IDO2: variants seen among roughly 807,000 people sequenced by gnomAD.
IDO2 encodes indoleamine 2,3-dioxygenase 2.
Under a neutral mutation model 45.1 loss-of-function variants are expected in IDO2, and 46 were observed. The observed-to-expected ratio is 1.02, with a 90% CI of 0.80 to 1.30. The LOEUF is 1.30. Ranked by LOEUF, IDO2 falls within the 50% of genes most tolerant of loss-of-function variation. The pLI is 0.00. For missense variants in IDO2, 544 were observed against 491.8 expected, an observed-to-expected ratio of 1.11 and a Z score of -1.00; for synonymous variants, 218 against 184.9, an observed-to-expected ratio of 1.18 and a Z score of -1.45.
At chr8:39,961,506 G>A (rs1055384586) in intron 2 of IDO2, among the ~76,000 whole-genome samples, 1 of 151,668 alleles carries the variant, frequency 6.6e-6, no homozygotes, top group African/African-American at 2.4e-5. Flanking sequence ...ATTTTTAGTA[G>A]AGACAGGATT....
At chr8:39,997,074 G>A (rs1043405696) in intron 8 of IDO2, among the ~76,000 whole-genome samples, 5 of 152,126 alleles carry the variant, frequency 3.3e-5, no homozygotes, top group Admixed American at 3.3e-4. Context: ...TACAGTAAAT[G>A]CTAAAACTCT....
At position 39,985,316 on chromosome 8, in the gene IDO2, C is replaced by T. The variant is rs1808407540; in HGVS notation, c.435-192C>T. 4.9e-6 allele frequency: 3 copies of T among 607,264 alleles called. No individual in the cohort carries two copies. In the South Asian group the frequency reaches 6.4e-5, roughly 13 times the overall value. The allele number at this position is 607,264 out of a possible 1,614,324, so 37.6% of individuals were successfully genotyped here. ...CGCTCACCCTTTATCACATAGCACC[C>T]CATAGTCCAGCCACAACTTGCAGAA... On this transcript the variant is annotated intron_variant, in intron 5 of 10. Transcript: ENST00000502986.
intron 9 of IDO2, among the ~76,000 whole-genome samples, chr8:40,012,381 G>C (rs1248462074): frequency 6.6e-6 from 1 of 152,070 alleles, no homozygotes; most frequent in Admixed American, 6.6e-5. Flanking sequence ...ATCAAGTTCT[G>C]GTTCTATCAT....
chr8:40,015,693 G>A, exon 11 of IDO2: 5 of 899,304 alleles, frequency 5.6e-6, no homozygotes, highest in African/African-American at 1.7e-5. Flanking sequence ...GGATCATCCA[G>A]GAAGGATCTC....
At chr8:39,965,111 T>C (rs2052379) in intron 3 of IDO2, among the ~76,000 whole-genome samples, 55,531 of 152,112 alleles carry the variant, frequency 0.37, 10,628 homozygotes, top group East Asian at 0.58. Context: ...GGGGCTCCTC[T>C]TAGCACAGCA....
Position 40,005,257 on chromosome 8 carries a change from G to A in IDO2, c.668-70G>A, listed in dbSNP as rs534929680. 1.0e-4 allele frequency: 101 copies of A among 1,006,392 alleles called. No homozygotes were observed. In the South Asian group the frequency reaches 1.3e-3, roughly 13 times the overall value. The allele number at this position is 1,006,392 out of a possible 1,614,324, so 62.3% of individuals were successfully genotyped here. A position where few individuals can be genotyped will look rare whatever the true frequency, so the allele number is the denominator to read the frequency against. On this transcript the variant is annotated intron_variant, in intron 8 of 10. Transcript: ENST00000502986. Reference sequence around the variant, plus strand: ...GGGAAGGAACTCCGGGACAGCAGCAGGGCCCATGCACATGTAACCAATTGC... The same window carrying A: ...GGGAAGGAACTCCGGGACAGCAGCAAGGCCCATGCACATGTAACCAATTGC...
At chr8:39,966,582 C>T (rs1013726351) in intron 3 of IDO2, among the ~76,000 whole-genome samples, 1 of 152,202 alleles carries the variant, frequency 6.6e-6, no homozygotes, top group Non-Finnish European at 1.5e-5. Flanking sequence ...AGTGAATTTA[C>T]AGCTTTGATC....
At chr8:39,937,692 TTA>T (rs2129592840) in intron 1 of IDO2, among the ~76,000 whole-genome samples, 1 of 152,224 alleles carries the variant, frequency 6.6e-6, no homozygotes, top group East Asian at 1.9e-4. Context: ...GGCTAATTTT[TTA>T]TATTTTTGTA....
chr8:39,996,003 A>G (rs942447074), intron 8 of IDO2, among the ~76,000 whole-genome samples: 5 of 151,690 alleles, frequency 3.3e-5, no homozygotes, highest in African/African-American at 1.2e-4. Context: ...CTGATTTCCT[A>G]TAGATCTGAG....
intron 8 of IDO2, among the ~76,000 whole-genome samples, chr8:39,995,573 G>C (rs1017633142): frequency 3.3e-5 from 5 of 151,960 alleles, no homozygotes; most frequent in Admixed American, 1.3e-4. Context: ...AAGCCACCCA[G>C]GTGCCAAGGC....
chr8:39,960,074 C>G (rs1263851481), intron 2 of IDO2, among the ~76,000 whole-genome samples: 2 of 152,182 alleles, frequency 1.3e-5, no homozygotes, highest in Non-Finnish European at 2.9e-5. Context: ...CTCAGATCCT[C>G]AGGGACTGAA....
chr8:39,937,596 C>T (rs767542123), intron 1 of IDO2, among the ~76,000 whole-genome samples: 5 of 151,564 alleles, frequency 3.3e-5, no homozygotes, highest in Non-Finnish European at 7.4e-5. Context: ...TCCTAGCTCA[C>T]TGTAGCCTTG....
rs190194602 is a variant in IDO2, at chr8:40,012,175, T to C, written c.720-1390T>C. ...TGTATATGGTGTGTGTGTATGTCCC[T>C]TCTCTTGAGCAAAATAACTTTTAGA... On this transcript the variant is annotated intron_variant, in intron 9 of 10. Coordinates refer to ENST00000502986, the Ensembl canonical transcript of IDO2. Among the ~76,000 whole-genome samples the C allele has an allele frequency of 5.0e-3, 766 of 152,224 alleles. 18 individuals are homozygous for C. The highest frequency in any genetic ancestry group is 3.4e-3 in the Middle Eastern group (1 of 294).
chr8:40,010,599 AG>A (rs1347977517), intron 9 of IDO2, among the ~76,000 whole-genome samples: 1 of 152,190 alleles, frequency 6.6e-6, no homozygotes, highest in African/African-American at 2.4e-5. Flanking sequence ...CTAGGGTACA[AG>A]GGCTAAAGGT....
At chr8:39,938,263 T>C (rs1030669431) in intron 1 of IDO2, among the ~76,000 whole-genome samples, 5 of 143,194 alleles carry the variant, frequency 3.5e-5, no homozygotes, top group African/African-American at 5.3e-5. Context: ...GGCAACATAG[T>C]GAGACTCTAT....
intron 1 of IDO2, among the ~76,000 whole-genome samples, chr8:39,939,090 A>G (rs1295221153): frequency 1.3e-5 from 2 of 151,958 alleles, no homozygotes; most frequent in Non-Finnish European, 2.9e-5. Context: ...CGGCTCTACT[A>G]AAAATACAAA....
chr8:39,935,222 A>G lies in IDO2; in HGVS notation c.-18+4A>G, dbSNP rs1436552006. 14 of 1,612,122 alleles carry G rather than the reference A, an allele frequency of 8.7e-6. No individual in the cohort carries two copies. The highest frequency in any genetic ancestry group is 1.2e-5 in the Non-Finnish European group (14 of 1,178,284). ...ATGTTGCATTTTCATTATTATGGTA[A>G]GTACACTGGTAACTTCTTTTCTAAC... is the stretch of plus-strand genomic sequence containing the variant. On this transcript the variant is annotated splice_donor_region_variant and intron_variant, in intron 1 of 10. Transcript: ENST00000502986.
intron 1 of IDO2, among the ~76,000 whole-genome samples, chr8:39,948,517 A>G (rs1807771246): frequency 1.3e-5 from 2 of 152,188 alleles, no homozygotes; most frequent in Admixed American, 1.3e-4. Context: ...ACCTGACTAC[A>G]TGTTTGTAAT....
chr8:39,966,543 AT>A (rs1434375508), intron 3 of IDO2, among the ~76,000 whole-genome samples: 2 of 152,196 alleles, frequency 1.3e-5, no homozygotes, highest in African/African-American at 4.8e-5. Context: ...TGTTCTCTGG[AT>A]CCTTTACTTG....
Sources: gnomAD v4.1 joint callset for allele counts (sites outside exome capture counted in the v4.1 genomes callset) on GRCh38, gnomAD v4.1.1 for gene constraint, MANE v1.5 for transcripts, NCBI Gene and HGNC (gene_info 2026-07-23, HGNC 2026-07-21) for gene names.